The following SSBP3 variants were observed in gnomAD, a reference collection of about 807,000 sequenced individuals.
SSBP3 encodes the protein single stranded DNA binding protein 3.
SSBP3 carries 5 observed loss-of-function variants against 69.6 expected under a neutral mutation model. The ratio of observed to expected loss-of-function variants is 0.07; its 90% CI spans 0.04 to 0.15. The LOEUF is 0.15. SSBP3 is among the 10% of genes least tolerant of loss of function. The pLI, the probability that SSBP3 is intolerant of heterozygous loss-of-function variation, is 1.00. For missense variants in SSBP3, 312 were observed against 534.0 expected (o/e 0.58, Z 4.10); for synonymous variants, 196 against 193.4 (o/e 1.01, Z -0.11).
At chr1:54,310,270 T>A (rs1170004730) in intron 4 of SSBP3, among the ~76,000 whole-genome samples, 1 of 152,088 alleles carries the variant, frequency 6.6e-6, no homozygotes, top group Non-Finnish European at 1.5e-5. Flanking sequence ...CAGGCTTTCT[T>A]CTCTCTCCCC....
chr1:54,261,620 C>T (rs1422364529), intron 5 of SSBP3, among the ~76,000 whole-genome samples: 1 of 152,174 alleles, frequency 6.6e-6, no homozygotes, highest in African/African-American at 2.4e-5. Context: ...GAGGCTTCCA[C>T]TTGCTGGAAG....
chr1:54,293,655 A>G (rs1384761214), intron 4 of SSBP3, among the ~76,000 whole-genome samples: 1 of 151,776 alleles, frequency 6.6e-6, no homozygotes, highest in Admixed American at 6.6e-5. Context: ...TCTCCTCTCT[A>G]CTCAGGCCTG....
chr1:54,301,406 T>C (rs1200894448), intron 4 of SSBP3, among the ~76,000 whole-genome samples: 2 of 152,196 alleles, frequency 1.3e-5, no homozygotes, highest in African/African-American at 4.8e-5. Context: ...GACTGTGCTG[T>C]ACCCTGAGTT....
chr1:54,373,957 G>C (rs1348255669), intron 4 of SSBP3, among the ~76,000 whole-genome samples: 2 of 152,090 alleles, frequency 1.3e-5, no homozygotes, highest in Non-Finnish European at 1.5e-5. Flanking sequence ...TCAGTGTGAA[G>C]TTCATCCCGT....
At chr1:54,311,389 TGG>T (rs1645999104) in intron 4 of SSBP3, among the ~76,000 whole-genome samples, 1 of 152,300 alleles carries the variant, frequency 6.6e-6, no homozygotes, top group African/African-American at 2.4e-5. Context: ...CAAGCCCTAC[TGG>T]GCCCCCAGGC....
intron 4 of SSBP3, among the ~76,000 whole-genome samples, chr1:54,285,924 C>G (rs1169558450): frequency 6.6e-6 from 1 of 152,166 alleles, no homozygotes; most frequent in African/African-American, 2.4e-5. Flanking sequence ...TCAGTTTCCC[C>G]ATGTGTCCAA....
At chr1:54,270,414 G>A (rs1645172999) in intron 5 of SSBP3, among the ~76,000 whole-genome samples, 1 of 152,218 alleles carries the variant, frequency 6.6e-6, no homozygotes, top group African/African-American at 2.4e-5. Context: ...GGTGGCAGGG[G>A]CTAAGGGAGG....
chr1:54,342,013 G>A (rs1646617152), intron 4 of SSBP3, among the ~76,000 whole-genome samples: 1 of 152,254 alleles, frequency 6.6e-6, no homozygotes, highest in South Asian at 2.1e-4. Context: ...GGCTACGAAG[G>A]CAGGCTTTCA....
chr1:54,378,746 G>A (rs925026517), intron 4 of SSBP3, among the ~76,000 whole-genome samples: 1 of 152,210 alleles, frequency 6.6e-6, no homozygotes, highest in African/African-American at 2.4e-5. Context: ...CTGGTGAGTG[G>A]CCGGCGGGCA....
intron 4 of SSBP3, among the ~76,000 whole-genome samples, chr1:54,328,558 C>T (rs2100432154): frequency 6.6e-6 from 1 of 152,206 alleles, no homozygotes; most frequent in East Asian, 1.9e-4. Flanking sequence ...AGGCTCCATG[C>T]TGCCTTGTCC....
chr1:54,297,379 C>T (rs955191182), intron 4 of SSBP3, among the ~76,000 whole-genome samples: 2 of 152,244 alleles, frequency 1.3e-5, no homozygotes, highest in Admixed American at 6.5e-5. Context: ...CCTGTAATCC[C>T]GGCACTTTGG....
At chr1:54,408,271 G>A (rs1649904025), upstream of SSBP3, among the ~76,000 whole-genome samples, 1 of 152,206 alleles carries the variant, frequency 6.6e-6, no homozygotes, top group Non-Finnish European at 1.5e-5. Context: ...TGGAATACAA[G>A]GATAGGGGAG....
chr1:54,382,175 T>C (rs531848241), intron 4 of SSBP3, among the ~76,000 whole-genome samples: 77 of 152,184 alleles, frequency 5.1e-4, no homozygotes, highest in South Asian at 1.7e-3. Context: ...GCCTGGGCAA[T>C]AGAGCGAGAC....
At chr1:54,315,182 C>T (rs750030359) in intron 4 of SSBP3, among the ~76,000 whole-genome samples, 23 of 152,146 alleles carry the variant, frequency 1.5e-4, no homozygotes, top group Non-Finnish European at 3.2e-4. Flanking sequence ...AGATCAAGCA[C>T]TGTCTGTACC....
intron 4 of SSBP3, among the ~76,000 whole-genome samples, chr1:54,387,526 T>G (rs1395555809): frequency 6.6e-6 from 1 of 152,130 alleles, no homozygotes; most frequent in Non-Finnish European, 1.5e-5. Context: ...CATTCAGAAT[T>G]AGGGAAAGAG....
intron 4 of SSBP3, among the ~76,000 whole-genome samples, chr1:54,386,682 A>ATTTTTTTTTTTTTTTTTT (rs1648104342): frequency 1.8e-5 from 1 of 55,052 alleles, no homozygotes; most frequent in African/African-American, 1.4e-4. Context: ...AACTGATCCT[A>ATTTTTTTTTTTTTTTTTT]CTTTTTTTTT....
intron 1 of SSBP3, among the ~76,000 whole-genome samples, 159 bp from the exon 2 acceptor site, chr1:54,405,089 G>A (rs1649620606): frequency 1.3e-5 from 2 of 152,186 alleles, no homozygotes; most frequent in Non-Finnish European, 2.9e-5. Context: ...AGGGCCGCCA[G>A]GTGCGAACAG....
intron 3 of SSBP3, among the ~76,000 whole-genome samples, chr1:54,404,257 C>T (rs1489732333): frequency 6.6e-6 from 1 of 152,192 alleles, no homozygotes; most frequent in Non-Finnish European, 1.5e-5. Flanking sequence ...ATTAAAGCAA[C>T]ATGCAGAATT....
At chr1:54,278,190 T>C (rs1645325843) in intron 5 of SSBP3, among the ~76,000 whole-genome samples, 1 of 152,208 alleles carries the variant, frequency 6.6e-6, no homozygotes, top group African/African-American at 2.4e-5. Flanking sequence ...AGGCCCTCCC[T>C]GATCAGAATG....
Sources: allele counts gnomAD v4.1 joint callset (sites outside exome capture counted in the v4.1 genomes callset), GRCh38; gene constraint gnomAD v4.1.1; transcripts MANE v1.5; gene names NCBI Gene and HGNC (gene_info 2026-07-23, HGNC 2026-07-21).